MAST2: variants seen among roughly 807,000 people sequenced by gnomAD.
The protein encoded by MAST2 is microtubule associated serine/threonine kinase 2, also known as microtubule-associated serine/threonine-protein kinase 2.
MAST2 carries 70 observed loss-of-function variants against 147.4 expected under a neutral mutation model. The observed-to-expected ratio is 0.47, with a 90% confidence interval of 0.39 to 0.58. The LOEUF is 0.58. Ranked by LOEUF, MAST2 falls within the 20% of genes least tolerant of loss-of-function variation. The pLI is 0.00. For missense variants in MAST2, 2,080 were observed against 2,302.3 expected (o/e 0.90, Z 1.98); for synonymous variants, 869 against 896.8 (o/e 0.97, Z 0.55).
intron 4 of MAST2, among the ~76,000 whole-genome samples, chr1:45,950,853 G>A (rs925444504): frequency 3.3e-5 from 5 of 152,138 alleles, no homozygotes; most frequent in East Asian, 3.9e-4. Context: ...TGGCTGAGGC[G>A]AGTGGACTGC....
chr1:46,022,176 A>C, intron 12 of MAST2, 94 bp downstream of exon 12: 1 of 1,518,224 alleles, frequency 6.6e-7, no homozygotes, highest in East Asian at 2.3e-5. Context: ...CTTAGCTTGG[A>C]CATGGACACA....
At chr1:45,952,759 C>CA in intron 4 of MAST2, among the ~76,000 whole-genome samples, 1 of 151,734 alleles carries the variant, frequency 6.6e-6, no homozygotes, top group Non-Finnish European at 1.5e-5. Flanking sequence ...AGTGAGTGAC[C>CA]AAAAAAAGCC....
intron 4 of MAST2, among the ~76,000 whole-genome samples, chr1:45,910,458 C>T (rs1651502413): frequency 1.3e-5 from 2 of 152,280 alleles, no homozygotes; most frequent in African/African-American, 2.4e-5. Context: ...ATTAACTGTT[C>T]AACCATTTAT....
At chr1:45,935,541 C>G (rs943089847) in intron 4 of MAST2, among the ~76,000 whole-genome samples, 1 of 152,048 alleles carries the variant, frequency 6.6e-6, no homozygotes, top group Non-Finnish European at 1.5e-5. Context: ...ACCTGTAAGC[C>G]TTTGATCATC....
At chr1:45,896,250 C>G (rs907989309) in intron 4 of MAST2, among the ~76,000 whole-genome samples, 1 of 152,054 alleles carries the variant, frequency 6.6e-6, no homozygotes, top group East Asian at 1.9e-4. Flanking sequence ...AGGCTAGTCT[C>G]GAACTCCTGA....
intron 5 of MAST2, among the ~76,000 whole-genome samples, chr1:45,985,968 C>T (rs2149085736): frequency 6.6e-6 from 1 of 152,168 alleles, no homozygotes; most frequent in East Asian, 1.9e-4. Flanking sequence ...TCTCTTATTC[C>T]AGTAGCTTTA....
chr1:45,899,645 T>A (rs562643188), intron 4 of MAST2, among the ~76,000 whole-genome samples: 3 of 152,278 alleles, frequency 2.0e-5, no homozygotes, highest in African/African-American at 7.2e-5. Context: ...GATTTCATTC[T>A]ATTTATGGCT....
At chr1:45,937,945 GA>G (rs1656541001) in intron 4 of MAST2, among the ~76,000 whole-genome samples, 1 of 152,032 alleles carries the variant, frequency 6.6e-6, no homozygotes, top group African/African-American at 2.4e-5. Flanking sequence ...CTGTCACTCA[GA>G]AAGTTTACTT....
intron 3 of MAST2, among the ~76,000 whole-genome samples, chr1:45,861,360 C>T (rs1557841944): frequency 6.6e-6 from 1 of 152,076 alleles, no homozygotes; most frequent in Non-Finnish European, 1.5e-5. Context: ...ACGCTGCTTA[C>T]CAATTCTACT....
At chr1:45,867,523 A>C (rs571053761) in intron 3 of MAST2, among the ~76,000 whole-genome samples, 15 of 151,386 alleles carry the variant, frequency 9.9e-5, no homozygotes, top group Non-Finnish European at 2.2e-4. Flanking sequence ...TAGTCATATA[A>C]CCACAGCCAA....
intron 3 of MAST2, among the ~76,000 whole-genome samples, chr1:45,875,908 A>G (rs1193252653): frequency 6.6e-6 from 1 of 152,100 alleles, no homozygotes; most frequent in East Asian, 1.9e-4. Context: ...TGTAAAATAT[A>G]TAGAGAAAGG....
intron 4 of MAST2, among the ~76,000 whole-genome samples, chr1:45,954,238 C>T (rs1455651037): frequency 6.6e-6 from 1 of 152,136 alleles, no homozygotes; most frequent in Non-Finnish European, 1.5e-5. Flanking sequence ...CAGTGGGAAG[C>T]AGGCTTCCTA....
chr1:45,945,971 A>G (rs533953614), intron 4 of MAST2, among the ~76,000 whole-genome samples: 7 of 152,230 alleles, frequency 4.6e-5, no homozygotes, highest in East Asian at 1.9e-4. Flanking sequence ...AAAAAAATCT[A>G]TAGTCTCACT....
intron 8 of MAST2, among the ~76,000 whole-genome samples, chr1:46,007,440 T>C (rs552995752): frequency 7.9e-5 from 12 of 152,214 alleles, no homozygotes; most frequent in Admixed American, 7.2e-4. Context: ...CAGAGAAGGG[T>C]ACCTTTTAGG....
At chr1:45,882,470 CAT>C in intron 4 of MAST2, 75 bp downstream of exon 4, 1 of 1,141,176 alleles carries the variant, frequency 8.8e-7, no homozygotes, top group Non-Finnish European at 1.3e-6. Flanking sequence ...TTCCCACTAT[CAT>C]GTGGAGGAAT....
At chr1:46,008,974 C>G (rs891659441) in intron 9 of MAST2, among the ~76,000 whole-genome samples, 7 of 152,184 alleles carry the variant, frequency 4.6e-5, no homozygotes, top group Non-Finnish European at 1.0e-4. Flanking sequence ...CCTGAGATAG[C>G]TGAGAAGTAG....
At chr1:45,845,396 T>G (rs1223104433) in intron 3 of MAST2, among the ~76,000 whole-genome samples, 1 of 152,240 alleles carries the variant, frequency 6.6e-6, no homozygotes, top group East Asian at 1.9e-4. Context: ...AAAAAAGTTA[T>G]GATACTTTAA....
chr1:45,909,447 A>G (rs1651309195), intron 4 of MAST2, among the ~76,000 whole-genome samples: 2 of 151,958 alleles, frequency 1.3e-5, no homozygotes, highest in African/African-American at 4.8e-5. Flanking sequence ...GGAGAGGGGA[A>G]TCTGGCTAAA....
Position 45,991,902 on chromosome 1 carries a change from T to C in MAST2, c.593-5822T>C, listed in dbSNP as rs1206487000. On this transcript the variant is annotated intron_variant, in intron 5 of 28. Coordinates refer to ENST00000361297, the MANE Select transcript of MAST2 (RefSeq NM_015112.3). The stretch of plus-strand genomic sequence containing the variant: ...GTTTTGTTTTGCTTTTTAATTTATG[T>C]ATTTTTTTTAGAAATGGGGTCTCAC... Among the ~76,000 whole-genome samples, 9 of 152,212 alleles carry C rather than the reference T, an allele frequency of 5.9e-5. No homozygotes were observed. In the South Asian group the frequency reaches 1.2e-3, roughly 21 times the overall value.
Sources: allele counts gnomAD v4.1 joint callset (sites outside exome capture counted in the v4.1 genomes callset), GRCh38; gene constraint gnomAD v4.1.1; transcripts MANE v1.5; gene names NCBI Gene and HGNC (gene_info 2026-07-23, HGNC 2026-07-21).